The following CDK7 variants were observed in gnomAD, a reference collection of about 807,000 sequenced individuals.
The protein encoded by CDK7 is cyclin dependent kinase 7, also known as cyclin-dependent kinase 7.
CDK7 carries 25 observed loss-of-function variants against 49.1 expected under a neutral mutation model. The ratio of observed to expected loss-of-function variants is 0.51; its 90% CI spans 0.37 to 0.71. CDK7 has a LOEUF of 0.71. Among genes scored for constraint, CDK7 ranks in the 30% least tolerant of loss-of-function variants. CDK7 has a pLI of 0.00. For missense variants in CDK7, 316 were observed against 411.7 expected, an observed-to-expected ratio of 0.77 and a Z score of 2.01; for synonymous variants, 107 against 140.0, an observed-to-expected ratio of 0.76 and a Z score of 1.67.
At chr5:69,239,417 T>C (rs780387459) in intron 2 of CDK7, among the ~76,000 whole-genome samples, 1 of 152,170 alleles carries the variant, frequency 6.6e-6, no homozygotes, top group Non-Finnish European at 1.5e-5. Context: ...GTCCTATTGA[T>C]TTATTGGACT....
intron 10 of CDK7, among the ~76,000 whole-genome samples, chr5:69,274,581 C>T (rs1355063909): frequency 6.6e-6 from 1 of 152,096 alleles, no homozygotes; most frequent in Non-Finnish European, 1.5e-5. Flanking sequence ...TTTATATGGG[C>T]TTCATCTTTC....
intron 2 of CDK7, among the ~76,000 whole-genome samples, chr5:69,248,480 C>T (rs559818338): frequency 3.9e-5 from 6 of 152,042 alleles, no homozygotes; most frequent in Middle Eastern, 3.4e-3. Flanking sequence ...CTCCTCCTCC[C>T]GGGTTCAAGC....
At chr5:69,241,279 A>G (rs1189167602) in intron 2 of CDK7, among the ~76,000 whole-genome samples, 1 of 146,466 alleles carries the variant, frequency 6.8e-6, no homozygotes, top group Non-Finnish European at 1.5e-5. Context: ...AGCCATTTAA[A>G]CTTAGGTGAG....
At chr5:69,249,965 G>A (rs747120166) in intron 2 of CDK7, among the ~76,000 whole-genome samples, 16 of 152,218 alleles carry the variant, frequency 1.1e-4, no homozygotes, top group Non-Finnish European at 2.2e-4. Context: ...ATAGGATTCT[G>A]AATTCCTTCT....
intron 2 of CDK7, among the ~76,000 whole-genome samples, chr5:69,247,352 T>C (rs1305044851): frequency 6.6e-6 from 1 of 152,218 alleles, no homozygotes. Flanking sequence ...CTTTGTCTTA[T>C]TTTACAGTTT....
intron 10 of CDK7, 131 bp from the exon 11 acceptor site, chr5:69,276,412 A>G (rs1421645304): frequency 1.1e-5 from 8 of 729,556 alleles, no homozygotes; most frequent in Non-Finnish European, 1.6e-5. Flanking sequence ...CTTGACATTA[A>G]TTTTGTTTTG....
chr5:69,269,767 A>G (rs1344757023), intron 9 of CDK7, among the ~76,000 whole-genome samples: 1 of 150,974 alleles, frequency 6.6e-6, no homozygotes, highest in African/African-American at 2.4e-5. Flanking sequence ...ATTTTTTTTA[A>G]TAGAGATGGG....
chr5:69,266,837 G>C (rs1215973052), intron 8 of CDK7, among the ~76,000 whole-genome samples: 2 of 152,118 alleles, frequency 1.3e-5, no homozygotes, highest in African/African-American at 4.8e-5. Context: ...TGGTGGCGGA[G>C]GGCTAGGAAA....
At chr5:69,237,149 A>G (rs2972386) in intron 2 of CDK7, among the ~76,000 whole-genome samples, 91,122 of 151,306 alleles carry the variant, frequency 0.6, 27,950 homozygotes, top group African/African-American at 0.72. Context: ...TGGAAGGGTT[A>G]GAGTGCAGTG....
intron 2 of CDK7, among the ~76,000 whole-genome samples, chr5:69,248,781 CCTT>C (rs1460415187): frequency 2.1e-5 from 3 of 142,964 alleles, no homozygotes; most frequent in Non-Finnish European, 4.5e-5. Flanking sequence ...TATTCTATAA[CCTT>C]CTTTTCTTTT....
intron 3 of CDK7, 132 bp from the exon 4 acceptor site, chr5:69,254,470 C>T (rs1490503091): frequency 1.4e-5 from 7 of 484,478 alleles, no homozygotes; most frequent in South Asian, 2.9e-5. Flanking sequence ...TGCAGTGAGC[C>T]GAGATCACGC....
chr5:69,235,165 C>T (rs943222205), intron 1 of CDK7, 124 bp downstream of exon 1: 5 of 925,196 alleles, frequency 5.4e-6, no homozygotes, highest in Non-Finnish European at 8.4e-6. Flanking sequence ...TGGGGGAAAC[C>T]GTCCAGACGC....
intron 2 of CDK7, among the ~76,000 whole-genome samples, chr5:69,238,062 G>A (rs970895077): frequency 2.0e-5 from 3 of 152,128 alleles, no homozygotes; most frequent in African/African-American, 7.2e-5. Flanking sequence ...AAAAAGGGAA[G>A]GAATCAATAA....
intron 8 of CDK7, among the ~76,000 whole-genome samples, chr5:69,263,648 CAG>C (rs1229320596): frequency 6.6e-6 from 1 of 152,246 alleles, no homozygotes; most frequent in East Asian, 1.9e-4. Context: ...ACAGTGCTAA[CAG>C]GGGGTCCTGT....
At chr5:69,262,450 CTT>C in intron 8 of CDK7, 146 bp downstream of exon 8, 3 of 998,930 alleles carry the variant, frequency 3.0e-6, no homozygotes, top group Non-Finnish European at 4.5e-6. Flanking sequence ...AGGTGGATCA[CTT>C]GAGGTCAGGA....
intron 5 of CDK7, 75 bp downstream of exon 5, chr5:69,255,603 C>A: frequency 4.8e-6 from 5 of 1,033,116 alleles, no homozygotes; most frequent in South Asian, 2.5e-5. Flanking sequence ...GTTTTCTACC[C>A]AAGAAGATAC....
At chr5:69,238,008 T>C (rs988411969) in intron 2 of CDK7, among the ~76,000 whole-genome samples, 3 of 152,226 alleles carry the variant, frequency 2.0e-5, no homozygotes, top group African/African-American at 7.2e-5. Context: ...CCAACACTCA[T>C]AATTTCTACT....
chr5:69,255,385 TA>T, intron 4 of CDK7, 74 bp from the exon 5 acceptor site: 1 of 785,124 alleles, frequency 1.3e-6, no homozygotes, highest in Non-Finnish European at 2.1e-6. Context: ...TTTAAATTTT[TA>T]AAAATTGCCT....
intron 8 of CDK7, among the ~76,000 whole-genome samples, chr5:69,266,834 G>A (rs368863126): frequency 1.2e-4 from 19 of 152,216 alleles, no homozygotes; most frequent in African/African-American, 3.6e-4. Context: ...AGTTGGTGGC[G>A]GAGGGCTAGG....
Sources: allele counts gnomAD v4.1 joint callset (sites outside exome capture counted in the v4.1 genomes callset), GRCh38; gene constraint gnomAD v4.1.1; transcripts MANE v1.5; gene names NCBI Gene and HGNC (gene_info 2026-07-23, HGNC 2026-07-21).